Variants in COA1 observed in about 807,000 individuals in gnomAD.
COA1 encodes cytochrome c oxidase assembly factor 1.
A neutral mutation model predicts 16.0 loss-of-function variants in COA1; 13 were observed. That is an observed-to-expected ratio of 0.81 (90% CI 0.53 to 1.29). The LOEUF is 1.29. Among genes scored for constraint, COA1 ranks in the 50% most tolerant of loss-of-function variants. COA1 has a pLI of 0.00. For synonymous variants in COA1, 65 were observed against 65.7 expected (o/e 0.99, Z 0.05); for missense variants, 179 against 177.0 (o/e 1.01, Z -0.06).
At chr7:43,641,574 G>A (rs989791454) in intron 4 of COA1, 1 of 152,028 alleles carries the variant, frequency 6.6e-6, no homozygotes, top group Admixed American at 6.6e-5. Flanking sequence ...TTTTAAAGAG[G>A]GACCTATTGC....
At chr7:43,663,078 T>C (rs759593980) in intron 1 of COA1, among the ~76,000 whole-genome samples, 13 of 152,302 alleles carry the variant, frequency 8.5e-5, no homozygotes, top group Non-Finnish European at 1.6e-4. Context: ...CTTGAATGAG[T>C]TGGCACCATC....
At chr7:43,616,351 G>A (rs1056756776) in intron 6 of COA1, among the ~76,000 whole-genome samples, 4 of 152,074 alleles carry the variant, frequency 2.6e-5, no homozygotes, top group African/African-American at 9.7e-5. Flanking sequence ...ACTACCACTA[G>A]TCCTAACACA....
At chr7:43,709,763 C>T (rs2095150284) in intron 1 of COA1, among the ~76,000 whole-genome samples, 1 of 151,996 alleles carries the variant, frequency 6.6e-6, no homozygotes, top group Admixed American at 6.6e-5. Flanking sequence ...CTCTTCTTGG[C>T]CTTCTGCACT....
chr7:43,623,920 A>G, intron 6 of COA1: 4 of 1,347,110 alleles, frequency 3.0e-6, no homozygotes, highest in Non-Finnish European at 3.8e-6. Flanking sequence ...TTAATATTGA[A>G]CTAATTCAAT....
At position 43,615,066 on chromosome 7, in the gene COA1, A is replaced by G. The variant is rs74986885; in HGVS notation, c.*134-5571T>C. ...TCACCTGGCATTTTGCGTGTACTCA[A>G]AAGGGCAAAACATTCAATTATGAAT... On this transcript the variant is annotated intron_variant and NMD_transcript_variant, in intron 6 of 6. Coordinates refer to the COA1 transcript ENST00000415076. 5.3e-5 allele frequency among the ~76,000 whole-genome samples: 8 copies of G among 152,358 alleles called. No individual in the cohort carries two copies. The East Asian group carries it at 1.5e-3, about 29-fold the overall frequency.
chr7:43,729,249 C>T (rs1197404350), intron 1 of COA1, among the ~76,000 whole-genome samples, 180 bp downstream of exon 1: 2 of 152,242 alleles, frequency 1.3e-5, no homozygotes, highest in African/African-American at 2.4e-5. Flanking sequence ...TTACCAGGTG[C>T]CAAAGAAGCT....
At chr7:43,634,437 C>T (rs572894599), downstream of COA1, among the ~76,000 whole-genome samples, 11 of 152,288 alleles carry the variant, frequency 7.2e-5, no homozygotes, top group South Asian at 2.3e-3. Flanking sequence ...AGTGCAGCTT[C>T]CCGCTAGAAC....
chr7:43,634,367 G>C (rs2085520017), downstream of COA1, among the ~76,000 whole-genome samples: 1 of 152,192 alleles, frequency 6.6e-6, no homozygotes. Context: ...ATGTGGTGGG[G>C]TTGATGGTTC....
chr7:43,621,274 A>G (rs959038912), intron 6 of COA1, among the ~76,000 whole-genome samples: 2 of 152,206 alleles, frequency 1.3e-5, no homozygotes, highest in Non-Finnish European at 2.9e-5. Flanking sequence ...ACTGACTAAT[A>G]TGCGTCATGA....
intron 6 of COA1, among the ~76,000 whole-genome samples, chr7:43,620,864 A>G (rs1241549520): frequency 6.6e-6 from 1 of 152,128 alleles, no homozygotes; most frequent in African/African-American, 2.4e-5. Context: ...ACCTGGGAGA[A>G]GAGGAGGGCG....
At chr7:43,636,724 T>C (rs933942738), downstream of COA1, among the ~76,000 whole-genome samples, 1 of 152,222 alleles carries the variant, frequency 6.6e-6, no homozygotes, top group Non-Finnish European at 1.5e-5. Flanking sequence ...GGTTGGTGAA[T>C]AGGGAATGTT....
intron 6 of COA1, among the ~76,000 whole-genome samples, chr7:43,616,404 A>G (rs2083347064): frequency 6.6e-6 from 1 of 152,174 alleles, no homozygotes; most frequent in African/African-American, 2.4e-5. Flanking sequence ...TGTTTCTTCC[A>G]TTCATTCACC....
At chr7:43,624,674 A>T in intron 6 of COA1, 1 of 1,614,156 alleles carries the variant, frequency 6.2e-7, no homozygotes, top group Non-Finnish European at 8.5e-7. Context: ...CCGACAAATC[A>T]GAAACCAAGG....
At chr7:43,669,390 C>G (rs2093107542) in intron 1 of COA1, among the ~76,000 whole-genome samples, 1 of 152,156 alleles carries the variant, frequency 6.6e-6, no homozygotes, top group African/African-American at 2.4e-5. Context: ...ACTGGGTCCA[C>G]CCAAACATGG....
intron 1 of COA1, among the ~76,000 whole-genome samples, chr7:43,659,509 C>CT (rs1380044521): frequency 6.6e-6 from 1 of 152,178 alleles, no homozygotes; most frequent in African/African-American, 2.4e-5. Flanking sequence ...GGAATGGACT[C>CT]TGATTCATAA....
Position 43,639,551 on chromosome 7 carries a change from C to CT in COA1, c.*30dup. ...ATGGTAGAGATGAGGGAAGGATGGA[C>CT]TAGAAGCAAGCTGGGTCTTCTGGGT... On this transcript the variant is annotated 3_prime_UTR_variant, in exon 6 of 6. Coordinates refer to ENST00000223336, the MANE Select transcript of COA1 (RefSeq NM_018224.4). The CT allele has an allele frequency of 1.3e-6, 2 of 1,576,060 alleles. No individual in the cohort carries two copies. Among genetic ancestry groups the CT allele is most frequent in the South Asian group, 2.2e-5 (2 of 90,320 alleles).
chr7:43,720,418 C>A (rs1195324968), intron 1 of COA1, among the ~76,000 whole-genome samples: 2 of 152,102 alleles, frequency 1.3e-5, no homozygotes, highest in African/African-American at 4.8e-5. Flanking sequence ...ATAAAATCAA[C>A]ATGGTCCCCT....
chr7:43,626,180 C>T (rs1483239481), intron 6 of COA1: 1 of 152,232 alleles, frequency 6.6e-6, no homozygotes, highest in Non-Finnish European at 1.5e-5. Flanking sequence ...CAACTCAGAC[C>T]TGTCCCTTCA....
intron 1 of COA1, among the ~76,000 whole-genome samples, chr7:43,685,070 G>A (rs979015042): frequency 6.6e-6 from 1 of 150,546 alleles, no homozygotes; most frequent in Non-Finnish European, 1.5e-5. Flanking sequence ...GATCACTTGA[G>A]CCCAGGAGTT....
Sources: gnomAD v4.1 joint callset for allele counts (sites outside exome capture counted in the v4.1 genomes callset) on GRCh38, gnomAD v4.1.1 for gene constraint, MANE v1.5 for transcripts, NCBI Gene and HGNC (gene_info 2026-07-23, HGNC 2026-07-21) for gene names.